Variants in EPX observed in about 807,000 individuals in gnomAD.
EPX encodes the protein eosinophil peroxidase.
EPX carries 60 observed loss-of-function variants against 73.0 expected under a neutral mutation model. The ratio of observed to expected loss-of-function variants is 0.82; its 90% CI spans 0.67 to 1.02. The LOEUF (loss-of-function observed/expected upper bound fraction) is 1.02, where lower values mean the gene tolerates loss of function less well. Ranked by LOEUF, EPX falls within the 50% of genes least tolerant of loss-of-function variation. The pLI is 0.00. For synonymous variants in EPX, 347 were observed against 389.2 expected (o/e 0.89, Z 1.28); for missense variants, 950 against 973.9 (o/e 0.98, Z 0.33).
chr17:58,193,570 G>A (rs188813328), intron 3 of EPX, 24 bp downstream of exon 3: 140 of 1,611,932 alleles, frequency 8.7e-5, no homozygotes, highest in Non-Finnish European at 9.8e-5. Context: ...CACTGAGCCC[G>A]CTGGGCCTAC....
In EPX at chr17:58,194,086, C is replaced by T; in HGVS notation, c.588C>T (p.Leu196=). 1 of 1,613,278 alleles carries T rather than the reference C, an allele frequency of 6.2e-7. No individual in the cohort carries two copies. The highest frequency in any genetic ancestry group is 1.1e-5 in the South Asian group (1 of 91,074). ...GCAGGAGGCGCAATGGCTTCCTTCT[C>T]CCTCTTGTGAGTTGGGGCTGAGGGT... is the stretch of plus-strand genomic sequence containing the variant. ...TPSRRRNGFL[L]PLVRAVSNQI... is the part of the protein sequence containing the mutation. Residue 196 remains leucine, a synonymous_variant, in exon 5 of 13, where the codon CTC becomes CTT. Coordinates refer to ENST00000225371, the MANE Select transcript of EPX (RefSeq NM_000502.6).
chr17:58,196,130 C>G (rs1424339897), intron 6 of EPX, among the ~76,000 whole-genome samples: 1 of 150,846 alleles, frequency 6.6e-6, no homozygotes, highest in Non-Finnish European at 1.5e-5. Flanking sequence ...TGTTTTGAGA[C>G]AGAATCTCAC....
intron 6 of EPX, 27 bp downstream of exon 6, chr17:58,195,197 G>GC: frequency 6.3e-7 from 1 of 1,580,024 alleles, no homozygotes; most frequent in Non-Finnish European, 8.7e-7. Flanking sequence ...AATCTCCCAT[G>GC]CCCTTGTGTG....
In EPX at chr17:58,202,197, G is replaced by A. The variant is rs552594861; in HGVS notation, c.1709-884G>A. 1.8e-4 allele frequency among the ~76,000 whole-genome samples: 27 copies of A among 152,298 alleles called. No individual in the cohort carries two copies. In the South Asian group the frequency reaches 3.1e-3, roughly 18 times the overall value. ...ATACTGTGTGGTTTTCATGGGTTCC[G>A]CTGGGGGATGGTGTGTGTGAGCTGT... On this transcript the variant is annotated intron_variant, in intron 10 of 12. Transcript: ENST00000225371.
At position 58,197,207 on chromosome 17, in the gene EPX, AC is replaced by A; in HGVS notation, c.1074del (p.Cys359ValfsTer44). On this transcript the variant is annotated frameshift_variant, in exon 7 of 13. Transcript: ENST00000225371. LOFTEE classifies it high-confidence loss of function. ...CTGCCCTTCGACAACCTGCACGATG[AC>A]CCCTGTCTCCTCACCAACCGCTCGG... ...ALLPFDNLHD[D>X]PCLLTNRSAR... The A allele has an allele frequency of 6.2e-7, 1 of 1,613,462 alleles. No homozygotes were observed. The highest frequency in any genetic ancestry group is 8.5e-7 in the Non-Finnish European group (1 of 1,179,990).
chr17:58,193,765 C>A lies in EPX; in HGVS notation c.398C>A (p.Ala133Asp), dbSNP rs1349022249. 6.2e-7 allele frequency: 1 copy of A among 1,612,714 alleles called. No individual in the cohort carries two copies. The highest frequency in any genetic ancestry group is 8.5e-7 in the Non-Finnish European group (1 of 1,179,922). The change falls in exon 4 of 13, where the codon GCT becomes GAT. Residue 133 changes from alanine to aspartate, a missense_variant. Transcript: ENST00000225371. ...LRLLSQASGCALRDQAERCSD... is the reference protein window; with the variant it reads ...LRLLSQASGCDLRDQAERCSD... ...CTGCTGTCCCAGGCCAGTGGCTGTG[C>A]TCTCCGGGACCAGGCCGAGCGCTGC...
At chr17:58,194,187 G>A in intron 5 of EPX, 95 bp downstream of exon 5, 1 of 1,295,502 alleles carries the variant, frequency 7.7e-7, no homozygotes, top group Non-Finnish European at 1.1e-6. Context: ...CTTGAACCCA[G>A]GCCCTTCCAC....
intron 7 of EPX, 59 bp from the exon 8 acceptor site, chr17:58,198,981 T>A (rs899336503): frequency 3.3e-5 from 52 of 1,574,680 alleles, no homozygotes; most frequent in Non-Finnish European, 4.5e-5. Context: ...GGGTCTACCC[T>A]GGTAGAAAGA....
chr17:58,203,430 A>G (rs1597969807), intron 11 of EPX, 112 bp downstream of exon 11: 2 of 832,224 alleles, frequency 2.4e-6, no homozygotes, highest in Non-Finnish European at 4.1e-6. Flanking sequence ...ATTTCTTCCA[A>G]GTTCACAGGA....
chr17:58,200,734 C>T (rs1449663189), intron 10 of EPX, among the ~76,000 whole-genome samples: 1 of 152,184 alleles, frequency 6.6e-6, no homozygotes, highest in Non-Finnish European at 1.5e-5. Flanking sequence ...TCCCAACACG[C>T]TGGCAAGTTC....
At position 58,204,209 on chromosome 17, in the gene EPX, G is replaced by T; in HGVS notation, c.1947-13G>T. 6.2e-7 allele frequency: 1 copy of T among 1,608,762 alleles called. No homozygotes were observed. The highest frequency in any genetic ancestry group is 1.1e-5 in the South Asian group (1 of 90,924). On this transcript the variant is annotated splice_polypyrimidine_tract_variant and intron_variant, in intron 11 of 12. Transcript: ENST00000225371. ...TCCCCAGCCTTCACCCACATCTCTC[G>T]ACTGCCTGGTAGGTTCTGGTGGCAG...
At chr17:58,201,793 G>T (rs1363921374) in intron 10 of EPX, among the ~76,000 whole-genome samples, 1 of 152,098 alleles carries the variant, frequency 6.6e-6, no homozygotes. Flanking sequence ...AAATGGTGGG[G>T]GGCTTAGAAA....
chr17:58,200,849 C>T (rs1011740391), intron 10 of EPX, among the ~76,000 whole-genome samples: 1 of 152,164 alleles, frequency 6.6e-6, no homozygotes, highest in Non-Finnish European at 1.5e-5. Context: ...AAAACTAAGG[C>T]TGCAGTGGCT....
chr17:58,195,924 C>T (rs986276441), intron 6 of EPX, among the ~76,000 whole-genome samples: 21 of 149,852 alleles, frequency 1.4e-4, no homozygotes, highest in African/African-American at 5.0e-4. Context: ...GTCCTCCCCT[C>T]CCCTCTCCTC....
chr17:58,192,886 C>T lies in EPX; in HGVS notation c.40C>T (p.Leu14Phe). ...AGCCCTGGCAGGGGTCCTGGCCACA[C>T]TCGTCCTCGCCCAGCCCTGTGAGGG... ...LPALAGVLAT[L>F]VLAQPCEGTD... is the part of the protein sequence containing the mutation. The change falls in exon 1 of 13, where the codon CTC (leucine) becomes TTC (phenylalanine). Residue 14 changes from leucine to phenylalanine, a missense_variant. Coordinates refer to ENST00000225371, the MANE Select transcript of EPX (RefSeq NM_000502.6). 1 of 1,614,122 alleles carries T rather than the reference C, an allele frequency of 6.2e-7. No homozygotes were observed. Among genetic ancestry groups the T allele is most frequent in the Non-Finnish European group, 8.5e-7 (1 of 1,179,980 alleles).
Position 58,199,804 on chromosome 17 carries a change from T to C in EPX, c.1537+10T>C, listed in dbSNP as rs764113271. Reference sequence around the variant, plus strand: ...CGGATCGTGTATGAAGGTGACCAGGTTTTCCAGGGGGCAAATGGGGGTGAG... The same window carrying C: ...CGGATCGTGTATGAAGGTGACCAGGCTTTCCAGGGGGCAAATGGGGGTGAG... On this transcript the variant is annotated intron_variant, in intron 9 of 12. Transcript: ENST00000225371. 6.3e-7 allele frequency: 1 copy of C among 1,598,446 alleles called. No individual in the cohort carries two copies. Among genetic ancestry groups the C allele is most frequent in the East Asian group, 2.2e-5 (1 of 44,534 alleles).
chr17:58,192,794 G>A lies in EPX; in HGVS notation c.-53G>A, dbSNP rs533377598. 2.8e-5 allele frequency: 42 copies of A among 1,490,514 alleles called. No individual in the cohort carries two copies. The highest frequency in any genetic ancestry group is 2.2e-4 in the African/African-American group (16 of 72,254). 92.3% of individuals were successfully genotyped at this position (1,490,514 alleles called of 1,614,324 possible). On this transcript the variant is annotated 5_prime_UTR_variant, in exon 1 of 13. The change creates a new upstream start codon in the 5' untranslated region. Transcript: ENST00000225371. Reference sequence around the variant, plus strand: ...TGAGAGGGGAGCAGAGGATCCTCCCGTGCAGGCTGTGGATGTCACTCACTT... The same window carrying A: ...TGAGAGGGGAGCAGAGGATCCTCCCATGCAGGCTGTGGATGTCACTCACTT...
chr17:58,202,688 T>C (rs904770954), intron 10 of EPX: 10 of 284,200 alleles, frequency 3.5e-5, no homozygotes, highest in South Asian at 3.9e-5. Context: ...TGTTCATTCA[T>C]TTATTCATTT....
Position 58,199,564 on chromosome 17 carries a change from C to G in EPX, c.1307C>G (p.Pro436Arg). 1 of 1,614,204 alleles carries G rather than the reference C, an allele frequency of 6.2e-7. No individual in the cohort carries two copies. Among genetic ancestry groups the G allele is most frequent in the Non-Finnish European group, 8.5e-7 (1 of 1,180,030 alleles). ...ATCATCACCTACCGAGACTTTCTGC[C>G]CCTGGTTCTGGGCAAGGCCCGGGCC... ...VQIITYRDFL[P>R]LVLGKARARR... The change falls in exon 9 of 13, where the codon CCC becomes CGC. Residue 436 changes from proline to arginine, a missense_variant. Physicochemically the swap from Pro to Arg is moderately radical, Grantham distance 103. Coordinates refer to ENST00000225371, the MANE Select transcript of EPX (RefSeq NM_000502.6).
Sources: gnomAD v4.1 joint callset for allele counts (sites outside exome capture counted in the v4.1 genomes callset) on GRCh38, gnomAD v4.1.1 for gene constraint, MANE v1.5 for transcripts, NCBI Gene and HGNC (gene_info 2026-07-23, HGNC 2026-07-21) for gene names.